The following ATXN7L1 variants were observed in gnomAD, a reference collection of about 807,000 sequenced individuals.
ATXN7L1 encodes ataxin-7-like protein 1.
A neutral mutation model predicts 70.8 loss-of-function variants in ATXN7L1; 15 were observed. The observed-to-expected ratio is 0.21, with a 90% CI of 0.14 to 0.33. The LOEUF is 0.33. Among genes scored for constraint, ATXN7L1 ranks in the 10% least tolerant of loss-of-function variants. ATXN7L1 has a pLI of 1.00. For missense variants in ATXN7L1, 975 were observed against 1,097.1 expected (o/e 0.89, Z 1.57); for synonymous variants, 440 against 445.1 (o/e 0.99, Z 0.14).
At chr7:105,648,723 C>T (rs1176554084) in intron 4 of ATXN7L1, among the ~76,000 whole-genome samples, 1 of 152,208 alleles carries the variant, frequency 6.6e-6, no homozygotes, top group Admixed American at 6.5e-5. Flanking sequence ...GTGCATCCCC[C>T]TCACTTCCTC....
chr7:105,643,898 A>G lies in ATXN7L1; in HGVS notation c.579-777T>C, dbSNP rs1798618618. 3.3e-5 allele frequency among the ~76,000 whole-genome samples: 5 copies of G among 152,116 alleles called. No individual in the cohort carries two copies. The South Asian group carries it at 1.0e-3, about 32-fold the overall frequency. ...TTCTCCTGTATGGGATGTGCATTTGATTTCTCTTCTTCTTTAATGCTGAAG... is the reference window on the plus strand; with the variant it reads ...TTCTCCTGTATGGGATGTGCATTTGGTTTCTCTTCTTCTTTAATGCTGAAG... On this transcript the variant is annotated intron_variant, in intron 4 of 11. Coordinates refer to ENST00000419735, the MANE Select transcript of ATXN7L1 (RefSeq NM_020725.2).
chr7:105,775,477 C>T (rs1324910675), intron 3 of ATXN7L1, among the ~76,000 whole-genome samples: 3 of 152,146 alleles, frequency 2.0e-5, no homozygotes, highest in Non-Finnish European at 4.4e-5. Flanking sequence ...CAGTAACTCT[C>T]CGTGATCCCA....
At chr7:105,777,287 T>C (rs931634938) in intron 3 of ATXN7L1, among the ~76,000 whole-genome samples, 3 of 152,196 alleles carry the variant, frequency 2.0e-5, no homozygotes, top group African/African-American at 7.2e-5. Flanking sequence ...AAATGGTGCC[T>C]GTTGGTGAAG....
intron 2 of ATXN7L1, among the ~76,000 whole-genome samples, chr7:105,816,375 CTG>C (rs914127555): frequency 6.6e-6 from 1 of 152,106 alleles, no homozygotes; most frequent in Non-Finnish European, 1.5e-5. Context: ...TGCCTTGAAA[CTG>C]AAATTTTTAT....
chr7:105,745,817 C>T (rs1798527337), intron 3 of ATXN7L1, among the ~76,000 whole-genome samples: 1 of 152,216 alleles, frequency 6.6e-6, no homozygotes, highest in Non-Finnish European at 1.5e-5. Context: ...CCCATCTGTT[C>T]CCAGGGCTCT....
chr7:105,657,702 CAAAAAAA>C (rs71155465), intron 4 of ATXN7L1, among the ~76,000 whole-genome samples: 3,611 of 25,772 alleles, frequency 0.14, 37 homozygotes, highest in Middle Eastern at 0.29. Context: ...GACCCTGTCT[CAAAAAAA>C]AAAAAAAAAA....
At chr7:105,685,170 G>A (rs1416514947) in intron 3 of ATXN7L1, among the ~76,000 whole-genome samples, 1 of 152,068 alleles carries the variant, frequency 6.6e-6, no homozygotes, top group Non-Finnish European at 1.5e-5. Context: ...TATAGAAGGA[G>A]CACTGACATC....
intron 2 of ATXN7L1, among the ~76,000 whole-genome samples, chr7:105,866,623 T>C (rs1398040608): frequency 6.6e-6 from 1 of 152,178 alleles, no homozygotes; most frequent in Non-Finnish European, 1.5e-5. Flanking sequence ...CAGTCTGAGC[T>C]CTACCACAGG....
intron 2 of ATXN7L1, among the ~76,000 whole-genome samples, chr7:105,820,443 C>A (rs915718022): frequency 2.0e-5 from 3 of 152,086 alleles, no homozygotes; most frequent in African/African-American, 7.2e-5. Context: ...AAAGTTGGAG[C>A]AAGACCTCCA....
At chr7:105,730,853 C>T (rs1443607329) in intron 3 of ATXN7L1, among the ~76,000 whole-genome samples, 5 of 152,116 alleles carry the variant, frequency 3.3e-5, no homozygotes, top group Admixed American at 3.3e-4. Flanking sequence ...TCTGAATAAA[C>T]TACGGACTTC....
intron 2 of ATXN7L1, among the ~76,000 whole-genome samples, chr7:105,803,936 C>T (rs921872447): frequency 6.6e-6 from 1 of 152,140 alleles, no homozygotes; most frequent in African/African-American, 2.4e-5. Flanking sequence ...GCTAAGTGGT[C>T]CAGGAAGGAA....
intron 3 of ATXN7L1, among the ~76,000 whole-genome samples, chr7:105,731,908 T>A (rs1404557979): frequency 6.6e-6 from 1 of 150,652 alleles, no homozygotes; most frequent in Non-Finnish European, 1.5e-5. Flanking sequence ...GCCTGGCCAA[T>A]ATGGTGAAAC....
intron 2 of ATXN7L1, among the ~76,000 whole-genome samples, chr7:105,854,621 A>G (rs1455568944): frequency 6.6e-6 from 1 of 151,952 alleles, no homozygotes; most frequent in Non-Finnish European, 1.5e-5. Flanking sequence ...CAATTAGACC[A>G]TAATTTCAAG....
intron 4 of ATXN7L1, among the ~76,000 whole-genome samples, chr7:105,649,913 T>A (rs945474176): frequency 6.6e-6 from 1 of 152,212 alleles, no homozygotes; most frequent in African/African-American, 2.4e-5. Flanking sequence ...GCTGCTGGCC[T>A]GGCAGAATTT....
intron 4 of ATXN7L1, among the ~76,000 whole-genome samples, chr7:105,657,653 C>T (rs1222875741): frequency 1.4e-5 from 2 of 138,828 alleles, no homozygotes; most frequent in African/African-American, 5.5e-5. Context: ...GCTGAGATTG[C>T]ACCACTGTAC....
intron 2 of ATXN7L1, among the ~76,000 whole-genome samples, chr7:105,852,561 G>A (rs180990890): frequency 7.0e-4 from 106 of 152,230 alleles, no homozygotes; most frequent in African/African-American, 2.4e-3. Flanking sequence ...GGCAAGCAGA[G>A]TGCCAGCTTG....
intron 11 of ATXN7L1, 51 bp downstream of exon 11, chr7:105,610,478 C>T: frequency 6.9e-7 from 1 of 1,443,070 alleles, no homozygotes; most frequent in Non-Finnish European, 9.5e-7. Context: ...TCTTTCCACT[C>T]TGCTGATGAC....
At chr7:105,687,026 G>C (rs568310538) in intron 3 of ATXN7L1, among the ~76,000 whole-genome samples, 19 of 152,286 alleles carry the variant, frequency 1.2e-4, no homozygotes, top group Middle Eastern at 3.4e-3. Flanking sequence ...AGTCTCTCTC[G>C]AGACAGGTGA....
chr7:105,790,886 G>T (rs973345014), intron 2 of ATXN7L1, among the ~76,000 whole-genome samples: 2 of 152,104 alleles, frequency 1.3e-5, no homozygotes, highest in Non-Finnish European at 2.9e-5. Context: ...AACCTCCTCT[G>T]GTTGAGAACC....
Sources: allele counts gnomAD v4.1 joint callset (sites outside exome capture counted in the v4.1 genomes callset), GRCh38; gene constraint gnomAD v4.1.1; transcripts MANE v1.5; gene names NCBI Gene and HGNC (gene_info 2026-07-23, HGNC 2026-07-21).